The following EIF4A2 variants were observed in gnomAD, a reference collection of about 807,000 sequenced individuals.
The protein encoded by EIF4A2 is eukaryotic translation initiation factor 4A2.
Under a neutral mutation model 50.6 loss-of-function variants are expected in EIF4A2, and 9 were observed. The observed-to-expected ratio is 0.18, with a 90% CI of 0.11 to 0.31. The LOEUF (loss-of-function observed/expected upper bound fraction) is 0.31, where lower values mean the gene tolerates loss of function less well. Among genes scored for constraint, EIF4A2 ranks in the 10% least tolerant of loss-of-function variants. The pLI is 1.00. For synonymous variants in EIF4A2, 215 were observed against 164.4 expected (o/e 1.31, Z -2.35); for missense variants, 182 against 501.8 (o/e 0.36, Z 6.09).
chr3:186,786,683 G>C, intron 7 of EIF4A2, 38 bp downstream of exon 7: 4 of 1,611,884 alleles, frequency 2.5e-6, no homozygotes, highest in East Asian at 2.2e-5. Context: ...TTACCTTCTT[G>C]TATAAGCACT....
In EIF4A2 at chr3:186,789,309, C is replaced by G. The variant is rs771481092; in HGVS notation, c.*40C>G. On this transcript the variant is annotated 3_prime_UTR_variant, in exon 11 of 11. Coordinates refer to ENST00000323963, the MANE Select transcript of EIF4A2 (RefSeq NM_001967.4). ...GTTTTGGATGCAGTGCTCGCTGTTG[C>G]TGAATAGGCGATCACAACGTGCATT... The G allele has an allele frequency of 4.2e-5, 67 of 1,579,374 alleles. No homozygotes were observed. Among genetic ancestry groups the G allele is most frequent in the Non-Finnish European group, 1.1e-5 (13 of 1,162,794 alleles).
intron 1 of EIF4A2, chr3:186,784,059 A>T (rs554247843): frequency 2.3e-6 from 1 of 428,876 alleles, no homozygotes; most frequent in African/African-American, 2.0e-5. Context: ...CCACTCGGCC[A>T]CGGCGCGGAG....
chr3:186,784,929 G>A (rs771792470), intron 3 of EIF4A2, 33 bp from the exon 4 acceptor site: 1 of 1,613,990 alleles, frequency 6.2e-7, no homozygotes, highest in Admixed American at 1.7e-5. Context: ...AATTTGATGT[G>A]GGATCGGTAA....
At position 186,789,526 on chromosome 3, in the gene EIF4A2, T is replaced by C. The variant is rs561673481; in HGVS notation, c.*257T>C. 3 of 386,438 alleles carry C rather than the reference T, an allele frequency of 7.8e-6. No individual in the cohort carries two copies. The highest frequency in any genetic ancestry group is 1.4e-5 in the Non-Finnish European group (3 of 218,264). 23.9% of individuals were successfully genotyped at this position (386,438 alleles called of 1,614,324 possible). A position where few individuals can be genotyped will look rare whatever the true frequency, so the allele number is the denominator to read the frequency against. ...CTGTAAAATCTTTCTTTCTTAGAAA[T>C]TTATTTCCTAGTTCTGTAGAAATGG... On this transcript the variant is annotated 3_prime_UTR_variant, in exon 11 of 11. Coordinates refer to ENST00000323963, the MANE Select transcript of EIF4A2 (RefSeq NM_001967.4).
intron 4 of EIF4A2, 87 bp from the exon 5 acceptor site, chr3:186,785,796 A>G (rs1579159572): frequency 6.6e-7 from 1 of 1,504,266 alleles, no homozygotes; most frequent in Non-Finnish European, 8.9e-7. Flanking sequence ...AGCTGTTGGC[A>G]GACCAGATTA....
intron 10 of EIF4A2, chr3:186,788,811 C>T: frequency 3.4e-6 from 1 of 290,812 alleles, no homozygotes; most frequent in East Asian, 7.2e-5. Context: ...GACACCTGCT[C>T]TTGGCTGGCC....
At chr3:186,784,260 C>CA in intron 1 of EIF4A2, 172 bp from the exon 2 acceptor site, 3 of 931,336 alleles carry the variant, frequency 3.2e-6, no homozygotes, top group Non-Finnish European at 1.6e-6. Context: ...CGGGCATCCG[C>CA]AGGCCCCAAC....
At chr3:186,789,029 A>AAGT in intron 10 of EIF4A2, 96 bp from the exon 11 acceptor site, 1 of 1,478,632 alleles carries the variant, frequency 6.8e-7, no homozygotes, top group East Asian at 2.5e-5. Flanking sequence ...TAACCTTGAT[A>AAGT]AGTAAACAGC....
intron 8 of EIF4A2, 99 bp from the exon 9 acceptor site, chr3:186,787,396 C>G: frequency 6.3e-7 from 1 of 1,598,476 alleles, no homozygotes; most frequent in South Asian, 1.1e-5. Context: ...GTCTGCTATT[C>G]TCCTGTAGCA....
At chr3:186,785,580 A>G (rs1721649065) in intron 4 of EIF4A2, 4 of 351,502 alleles carry the variant, frequency 1.1e-5, no homozygotes, top group Non-Finnish European at 2.1e-5. Flanking sequence ...CTGTAATTAC[A>G]GAACATAAAT....
chr3:186,787,159 C>T lies in EIF4A2; in HGVS notation c.804C>T (p.Tyr268=), dbSNP rs540138705. The change falls in exon 8 of 11, where the codon TAC becomes TAT. Residue 268 remains tyrosine, a synonymous_variant. Coordinates refer to ENST00000323963, the MANE Select transcript of EIF4A2 (RefSeq NM_001967.4). The stretch of plus-strand genomic sequence containing the variant: ...AGTTGGATACACTTTGTGACTTGTA[C>T]GAGACACTGACCATTACACAGGCTG... The part of the protein sequence containing the change: ...EWKLDTLCDL[Y]ETLTITQAVI... 1.1e-5 allele frequency: 17 copies of T among 1,613,940 alleles called. No homozygotes were observed. The highest frequency in any genetic ancestry group is 4.0e-5 in the African/African-American group (3 of 75,034).
At chr3:186,788,319 G>A in intron 10 of EIF4A2, 1 of 1,290,446 alleles carries the variant, frequency 7.7e-7, no homozygotes, top group Non-Finnish European at 1.0e-6. Context: ...GGAGTCGATA[G>A]CAGCAGTTGG....
rs1431248436 is a variant in EIF4A2 at position 186,786,050 on chromosome 3, T to G, written c.516T>G (p.Leu172=). 9.4e-6 allele frequency: 15 copies of G among 1,602,250 alleles called. No homozygotes were observed. Among genetic ancestry groups the G allele is most frequent in the Non-Finnish European group, 1.2e-5 (14 of 1,169,890 alleles). The change falls in exon 5 of 11, where the codon CTT becomes CTG. Residue 172 remains leucine, a splice_region_variant and synonymous_variant. Transcript: ENST00000323963. ...TTGATATGTTAAACAGAAGATACCT[T>G]TGTAAGTATTGTCTTTAAGAGAGTA... ...RVFDMLNRRY[L]SPKWIKMFVL...
At chr3:186,787,742 C>T (rs772975074) in intron 9 of EIF4A2, 61 bp from the exon 10 acceptor site, 12 of 1,605,014 alleles carry the variant, frequency 7.5e-6, no homozygotes, top group Middle Eastern at 1.7e-4. Context: ...TATTTTGTGG[C>T]CTACATGACA....
intron 4 of EIF4A2, chr3:186,785,680 C>A: frequency 3.6e-6 from 2 of 558,876 alleles, no homozygotes; most frequent in Non-Finnish European, 3.0e-6. Flanking sequence ...AGCAGCATCC[C>A]AAGTTTGACA....
intron 4 of EIF4A2, 142 bp downstream of exon 4, chr3:186,785,243 T>C: frequency 1.6e-6 from 2 of 1,283,460 alleles, no homozygotes; most frequent in South Asian, 1.5e-5. Context: ...GGAGTTTTTG[T>C]TGAAAGTTTT....
At chr3:186,784,814 C>A (rs750580382) in intron 3 of EIF4A2, 118 bp downstream of exon 3, 2 of 1,598,918 alleles carry the variant, frequency 1.3e-6, no homozygotes, top group Non-Finnish European at 1.7e-6. Flanking sequence ...TGATGGCAAT[C>A]ATCTTTCGGG....
rs1337511792 is a variant in EIF4A2 at position 186,786,033 on chromosome 3, T to C, written c.499T>C (p.Leu167=). 6.2e-7 allele frequency: 1 copy of C among 1,606,170 alleles called. No homozygotes were observed. The highest frequency in any genetic ancestry group is 8.5e-7 in the Non-Finnish European group (1 of 1,173,170). ...VGTPGRVFDM[L]NRRYLSPKWI... ...TACACCCGGGAGAGTGTTTGATATG[T>C]TAAACAGAAGATACCTTTGTAAGTA... Residue 167 remains leucine, a synonymous_variant, in exon 5 of 11, where the codon TTA becomes CTA. Transcript: ENST00000323963.
intron 10 of EIF4A2, chr3:186,788,657 ATTTG>A: frequency 4.3e-6 from 1 of 233,492 alleles, no homozygotes; most frequent in South Asian, 5.6e-5. Context: ...CATACCAAAT[ATTTG>A]TTTTCCCACT....
Sources: allele counts gnomAD v4.1 joint callset, GRCh38; gene constraint gnomAD v4.1.1; transcripts MANE v1.5; gene names NCBI Gene and HGNC (gene_info 2026-07-23, HGNC 2026-07-21).